Variants in ADCY3 observed in about 807,000 individuals in gnomAD.
ADCY3 encodes the protein adenylate cyclase type 3.
In ADCY3, 70 loss-of-function variants were observed where a neutral mutation model predicts 119.4. The ratio of observed to expected loss-of-function variants is 0.59; its 90% CI spans 0.48 to 0.72. ADCY3 has a LOEUF of 0.72. ADCY3 is among the 30% of genes least tolerant of loss of function. The pLI is 0.00. For missense variants in ADCY3, 1,238 were observed against 1,541.6 expected (o/e 0.80, Z 3.30); for synonymous variants, 672 against 621.4 (o/e 1.08, Z -1.21).
At chr2:24,827,225 G>A (rs2148422673) in intron 15 of ADCY3, among the ~76,000 whole-genome samples, 1 of 152,302 alleles carries the variant, frequency 6.6e-6, no homozygotes, top group East Asian at 1.9e-4. Context: ...GGACCTGCCT[G>A]TGACCCACAG....
chr2:24,882,137 T>A (rs1314811090), intron 2 of ADCY3, among the ~76,000 whole-genome samples: 1 of 152,226 alleles, frequency 6.6e-6, no homozygotes, highest in Non-Finnish European at 1.5e-5. Flanking sequence ...AAGAGGAGAA[T>A]GCTCCTGATA....
At chr2:24,873,912 C>T (rs933231813) in intron 2 of ADCY3, among the ~76,000 whole-genome samples, 16 of 152,230 alleles carry the variant, frequency 1.1e-4, no homozygotes, top group Non-Finnish European at 1.6e-4. Flanking sequence ...AAGAATTTCT[C>T]AATTTCTGGC....
chr2:24,859,868 G>T (rs1673429447), intron 3 of ADCY3, among the ~76,000 whole-genome samples: 1 of 152,178 alleles, frequency 6.6e-6, no homozygotes, highest in Non-Finnish European at 1.5e-5. Context: ...GTCTCCCCAG[G>T]ATCCCAAGGG....
chr2:24,891,777 T>C (rs1301500308), intron 2 of ADCY3, among the ~76,000 whole-genome samples: 1 of 152,186 alleles, frequency 6.6e-6, no homozygotes, highest in Non-Finnish European at 1.5e-5. Flanking sequence ...ATTAAGTTTG[T>C]GGGTGGAAGA....
chr2:24,885,576 C>T (rs1024440444), intron 2 of ADCY3, among the ~76,000 whole-genome samples: 1 of 152,192 alleles, frequency 6.6e-6, no homozygotes, highest in African/African-American at 2.4e-5. Flanking sequence ...CTGGTCTTTC[C>T]AGGTAAAAGC....
At chr2:24,912,615 G>A (rs1051699309) in intron 2 of ADCY3, among the ~76,000 whole-genome samples, 1 of 135,674 alleles carries the variant, frequency 7.4e-6, no homozygotes, top group East Asian at 2.0e-4. Context: ...ATGTGTGTGT[G>A]TGTGTGTGTG....
intron 2 of ADCY3, among the ~76,000 whole-genome samples, chr2:24,907,063 G>A (rs932906529): frequency 5.9e-5 from 9 of 152,008 alleles, no homozygotes; most frequent in African/African-American, 2.2e-4. Context: ...CCCAGGAGGC[G>A]GAGGTTACAG....
In ADCY3 at chr2:24,819,911, C is replaced by T. The variant is rs1347720879; in HGVS notation, c.*21G>A. On this transcript the variant is annotated 3_prime_UTR_variant, in exon 22 of 22. Coordinates refer to ENST00000679454, the MANE Select transcript of ADCY3 (RefSeq NM_004036.5). ...AATAAATTCTCCCTTCCGGTTTGGA[C>T]TGTTGCAGGCTCGAGGCCATTCAGG... is the stretch of plus-strand genomic sequence containing the variant. 6.2e-7 allele frequency: 1 copy of T among 1,609,716 alleles called. No homozygotes were observed.
In ADCY3 at chr2:24,919,997, G is replaced by A. The variant is rs1664911158; in HGVS notation, c.-512C>T. On this transcript the variant is annotated 5_prime_UTR_variant, in exon 1 of 22. Coordinates refer to ENST00000679454, the MANE Select transcript of ADCY3 (RefSeq NM_004036.5). This position sits in a 1 kb window ranked among gnomAD's most constrained non-coding sequence, Gnocchi z 5.5. ...GGCTCAGGGGCAGGGGCCGTGCGGG[G>A]GCCGGCAGGCGCGGGCGGCGGCGAG... is the stretch of plus-strand genomic sequence containing the variant. Among the ~76,000 whole-genome samples, 1 of 147,984 alleles carries A rather than the reference G, an allele frequency of 6.8e-6. No homozygotes were observed. The highest frequency in any genetic ancestry group is 2.1e-4 in the South Asian group (1 of 4,830).
At chr2:24,881,221 T>G (rs965601980) in intron 2 of ADCY3, among the ~76,000 whole-genome samples, 1 of 151,052 alleles carries the variant, frequency 6.6e-6, no homozygotes, top group African/African-American at 2.5e-5. Flanking sequence ...ACAGCAGAAC[T>G]GATCCCAAGC....
At chr2:24,862,575 AT>A (rs1267424361) in intron 3 of ADCY3, among the ~76,000 whole-genome samples, 1 of 152,044 alleles carries the variant, frequency 6.6e-6, no homozygotes. Flanking sequence ...ATTAAAAAAA[AT>A]AAAAACAAAT....
chr2:24,904,909 A>T (rs138646140), intron 2 of ADCY3, among the ~76,000 whole-genome samples: 1 of 151,704 alleles, frequency 6.6e-6, no homozygotes, highest in Non-Finnish European at 1.5e-5. Context: ...CCAAAGTGTT[A>T]GGATTACAGA....
intron 2 of ADCY3, among the ~76,000 whole-genome samples, chr2:24,897,316 T>C (rs1340908868): frequency 6.6e-6 from 1 of 151,766 alleles, no homozygotes; most frequent in Admixed American, 6.6e-5. Context: ...TCCCTCTCTC[T>C]TTCTGGGACT....
chr2:24,857,871 T>C (rs2148703317), intron 3 of ADCY3, among the ~76,000 whole-genome samples: 1 of 152,156 alleles, frequency 6.6e-6, no homozygotes, highest in South Asian at 2.1e-4. Context: ...CCACAGCCCT[T>C]CCCAGCTCCT....
chr2:24,838,420 G>C, intron 8 of ADCY3, 25 bp downstream of exon 8: 1 of 1,544,082 alleles, frequency 6.5e-7, no homozygotes, highest in Non-Finnish European at 8.7e-7. Flanking sequence ...TGGGTGGGGT[G>C]GGTGGGGTGG....
chr2:24,868,245 A>G (rs1490899349), intron 3 of ADCY3, among the ~76,000 whole-genome samples: 1 of 152,258 alleles, frequency 6.6e-6, no homozygotes, highest in Non-Finnish European at 1.5e-5. Context: ...GAAAATTAGT[A>G]AATATTTTAA....
At chr2:24,859,331 C>A (rs952343677) in intron 3 of ADCY3, among the ~76,000 whole-genome samples, 2 of 152,168 alleles carry the variant, frequency 1.3e-5, no homozygotes, top group African/African-American at 4.8e-5. Flanking sequence ...CACTCGACAC[C>A]AGCTTCGTCT....
In ADCY3 at chr2:24,899,199, C is replaced by T. The variant is rs892411615; in HGVS notation, c.675+19114G>A. Among the ~76,000 whole-genome samples, 5 of 152,212 alleles carry T rather than the reference C, an allele frequency of 3.3e-5. No homozygotes were observed. Among genetic ancestry groups the T allele is most frequent in the African/African-American group, 1.2e-4 (5 of 41,464 alleles). On this transcript the variant is annotated intron_variant, in intron 2 of 21. Transcript: ENST00000679454. The surrounding 1 kb of genome is among the most constrained non-coding windows in gnomAD (Gnocchi z 4.5). ...CACAGAGGCCCAGGGAGGTCAGCTGCGCTGCCCAGGGCCCCAGGCATCCAA... is the reference window on the plus strand; with the variant it reads ...CACAGAGGCCCAGGGAGGTCAGCTGTGCTGCCCAGGGCCCCAGGCATCCAA...
At chr2:24,877,403 C>T (rs1675844673) in intron 2 of ADCY3, among the ~76,000 whole-genome samples, 1 of 152,192 alleles carries the variant, frequency 6.6e-6, no homozygotes, top group Non-Finnish European at 1.5e-5. Context: ...TCTAGCCTTC[C>T]AGTGAGCATC....
Sources: allele counts gnomAD v4.1 joint callset (sites outside exome capture counted in the v4.1 genomes callset), GRCh38; gene constraint gnomAD v4.1.1; non-coding constraint Gnocchi (gnomAD v3.1); transcripts MANE v1.5; gene names NCBI Gene and HGNC (gene_info 2026-07-23, HGNC 2026-07-21).